Variants in UNC80 observed in about 807,000 individuals in gnomAD.
UNC80 encodes unc-80 subunit of NALCN channel complex, also known as protein unc-80 homolog.
UNC80 carries 164 observed loss-of-function variants against 384.6 expected under a neutral mutation model. That is an observed-to-expected ratio of 0.43 (90% confidence interval 0.38 to 0.49). The LOEUF is 0.49. UNC80 is among the 20% of genes least tolerant of loss of function. UNC80 has a pLI of 0.00. For synonymous variants in UNC80, 1,486 were observed against 1,527.8 expected, an observed-to-expected ratio of 0.97 and a Z score of 0.64; for missense variants, 3,330 against 4,143.0, an observed-to-expected ratio of 0.80 and a Z score of 5.39.
At chr2:209,984,949 G>A (rs1220153857) in intron 61 of UNC80, 37 bp downstream of exon 61, 1 of 1,526,244 alleles carries the variant, frequency 6.6e-7, no homozygotes, top group Middle Eastern at 1.7e-4. Context: ...TGGTGTCTGT[G>A]CTGGGAAACT....
intron 24 of UNC80, among the ~76,000 whole-genome samples, chr2:209,878,686 A>G (rs894155450): frequency 6.6e-6 from 1 of 152,222 alleles, no homozygotes; most frequent in Non-Finnish European, 1.5e-5. Flanking sequence ...AAAGATTCCT[A>G]TTACATCCTT....
chr2:209,897,190 G>A (rs1444273003), intron 28 of UNC80, among the ~76,000 whole-genome samples: 2 of 152,004 alleles, frequency 1.3e-5, no homozygotes, highest in Non-Finnish European at 2.9e-5. Context: ...ACTTTTTAGT[G>A]AACTCTAACC....
chr2:209,995,880 A>G lies in UNC80; in HGVS notation c.*285A>G, dbSNP rs1005964953. On this transcript the variant is annotated 3_prime_UTR_variant, in exon 65 of 65. Coordinates refer to ENST00000673920, the MANE Select transcript of UNC80 (RefSeq NM_001371986.1). ...ATTGTTTATGATTCAAGAAGCCTTC[A>G]GCAGTTAAAAATATATACTATTCAT... 3.7e-5 allele frequency: 12 copies of G among 327,668 alleles called. No individual in the cohort carries two copies. The highest frequency in any genetic ancestry group is 2.5e-4 in the African/African-American group (12 of 47,320). 20.3% of individuals were successfully genotyped at this position (327,668 alleles called of 1,614,324 possible). A position where few individuals can be genotyped will look rare whatever the true frequency, so the allele number is the denominator to read the frequency against.
At chr2:209,826,994 C>CT (rs1464377094) in intron 14 of UNC80, among the ~76,000 whole-genome samples, 1 of 152,038 alleles carries the variant, frequency 6.6e-6, no homozygotes, top group East Asian at 1.9e-4. Context: ...TCTCATCTAT[C>CT]TATCTATCTA....
chr2:209,826,355 A>G (rs1414365096), intron 14 of UNC80, among the ~76,000 whole-genome samples: 1 of 152,222 alleles, frequency 6.6e-6, no homozygotes, highest in Admixed American at 6.5e-5. Context: ...TTTTGCACAG[A>G]TGAATACATT....
chr2:209,967,044 G>A (rs1243512830), intron 51 of UNC80, among the ~76,000 whole-genome samples: 3 of 142,612 alleles, frequency 2.1e-5, no homozygotes, highest in Non-Finnish European at 3.1e-5. Context: ...ATTAAAGTTA[G>A]TTCTCTTTTA....
At position 209,973,175 on chromosome 2, in the gene UNC80, A is replaced by G. The variant is rs1226085174; in HGVS notation, c.8492A>G (p.Glu2831Gly). The change falls in exon 56 of 65, where the codon GAG becomes GGG. Residue 2831 changes from glutamate (E) to glycine (G), a missense_variant. Coordinates refer to ENST00000673920, the MANE Select transcript of UNC80 (RefSeq NM_001371986.1). ...STSRSKNFML[E>G]SSPAHCSTPG... ...TCCAGGAGCAAGAACTTCATGTTAG[A>G]GAGCTCCCCAGCCCACTGCTCCACC... 6.4e-7 allele frequency: 1 copy of G among 1,551,666 alleles called. No homozygotes were observed. The highest frequency in any genetic ancestry group is 2.4e-5 in the East Asian group (1 of 40,916).
chr2:209,971,727 A>G (rs1367938111), intron 54 of UNC80, among the ~76,000 whole-genome samples: 2 of 152,252 alleles, frequency 1.3e-5, no homozygotes, highest in African/African-American at 4.8e-5. Context: ...CTAAAGTGAT[A>G]CACTTTAATA....
intron 22 of UNC80, among the ~76,000 whole-genome samples, chr2:209,855,447 T>C (rs1247624605): frequency 2.0e-5 from 3 of 152,176 alleles, no homozygotes; most frequent in Non-Finnish European, 4.4e-5. Flanking sequence ...CCTGGGCATG[T>C]ACCCAAGAAC....
At chr2:209,907,602 A>G (rs941357907) in intron 29 of UNC80, among the ~76,000 whole-genome samples, 1 of 152,216 alleles carries the variant, frequency 6.6e-6, no homozygotes, top group Non-Finnish European at 1.5e-5. Context: ...GCTGGAGCAC[A>G]GAGGACTGTG....
chr2:209,979,920 A>G (rs2093117948), intron 59 of UNC80, among the ~76,000 whole-genome samples: 1 of 152,246 alleles, frequency 6.6e-6, no homozygotes, highest in Non-Finnish European at 1.5e-5. Context: ...ACTAAGATGA[A>G]TAAAAGTGTT....
At chr2:209,966,837 G>T (rs551369196) in intron 51 of UNC80, among the ~76,000 whole-genome samples, 2 of 152,150 alleles carry the variant, frequency 1.3e-5, no homozygotes, top group African/African-American at 4.8e-5. Flanking sequence ...AGAGAGAAAG[G>T]ATCCATGTAT....
intron 25 of UNC80, among the ~76,000 whole-genome samples, chr2:209,883,353 A>C (rs1164724377): frequency 6.6e-6 from 1 of 150,980 alleles, no homozygotes; most frequent in Non-Finnish European, 1.5e-5. Context: ...CTTGACTGAA[A>C]TTTTATGCCT....
chr2:209,931,972 G>GAGA (rs2090913558), intron 38 of UNC80, among the ~76,000 whole-genome samples: 2 of 152,248 alleles, frequency 1.3e-5, no homozygotes, highest in African/African-American at 4.8e-5. Flanking sequence ...TGTCTCTATA[G>GAGA]CTATGTGGAG....
intron 23 of UNC80, among the ~76,000 whole-genome samples, chr2:209,875,368 A>G (rs961871461): frequency 6.6e-6 from 1 of 152,208 alleles, no homozygotes; most frequent in African/African-American, 2.4e-5. Flanking sequence ...ATTATGAGTG[A>G]TGAACTGAAA....
chr2:209,937,268 G>T (rs554457401), intron 41 of UNC80, among the ~76,000 whole-genome samples: 6 of 152,304 alleles, frequency 3.9e-5, no homozygotes, highest in Non-Finnish European at 7.4e-5. Flanking sequence ...TGTCTATTTG[G>T]AATTTGAATG....
chr2:209,778,813 C>G (rs190363725), intron 4 of UNC80, among the ~76,000 whole-genome samples: 3 of 152,268 alleles, frequency 2.0e-5, no homozygotes, highest in Admixed American at 2.0e-4. Flanking sequence ...TATTATAACC[C>G]AGTGAATGGA....
intron 31 of UNC80, among the ~76,000 whole-genome samples, chr2:209,917,505 T>G (rs1235262370): frequency 6.6e-6 from 1 of 152,212 alleles, no homozygotes; most frequent in African/African-American, 2.4e-5. Context: ...TTCATTTGCT[T>G]CCTCTGGCAT....
At chr2:209,945,593 T>C (rs1247865981) in intron 46 of UNC80, among the ~76,000 whole-genome samples, 1 of 152,206 alleles carries the variant, frequency 6.6e-6, no homozygotes, top group Non-Finnish European at 1.5e-5. Flanking sequence ...TGCCCTTCAG[T>C]GTCTTCTATT....
Sources: gnomAD v4.1 joint callset for allele counts (sites outside exome capture counted in the v4.1 genomes callset) on GRCh38, gnomAD v4.1.1 for gene constraint, MANE v1.5 for transcripts, NCBI Gene and HGNC (gene_info 2026-07-23, HGNC 2026-07-21) for gene names.